SLC5A12: variants seen among roughly 807,000 people sequenced by gnomAD.
The protein encoded by SLC5A12 is solute carrier family 5 member 12.
A neutral mutation model predicts 72.7 loss-of-function variants in SLC5A12; 46 were observed. The observed-to-expected ratio is 0.63, with a 90% CI of 0.50 to 0.81. SLC5A12 has a LOEUF of 0.81. SLC5A12 is among the 30% of genes least tolerant of loss of function. SLC5A12 has a pLI of 0.00. For missense variants in SLC5A12, 683 were observed against 740.7 expected, an observed-to-expected ratio of 0.92 and a Z score of 0.90; for synonymous variants, 275 against 264.4, an observed-to-expected ratio of 1.04 and a Z score of -0.39.
rs1854056870 is a variant in SLC5A12, at chr11:26,668,720, CTACAT to C, written c.*2377_*2381del. 1 of 151,966 alleles carries C rather than the reference CTACAT, an allele frequency of 6.6e-6. No individual in the cohort carries two copies. The highest frequency in any genetic ancestry group is 2.4e-5 in the African/African-American group (1 of 41,392). 9.4% of individuals were successfully genotyped at this position (151,966 alleles called of 1,614,324 possible). ...CAATTAAGAAGAATGGGGGGAGTCT[CTACAT>C]TGACCTCTAAAATCTCTTGAAATGT... On this transcript the variant is annotated 3_prime_UTR_variant, in exon 15 of 15. Transcript: ENST00000396005.
chr11:26,688,130 C>T (rs1854581800), intron 9 of SLC5A12, among the ~76,000 whole-genome samples: 1 of 152,140 alleles, frequency 6.6e-6, no homozygotes, highest in Non-Finnish European at 1.5e-5. Context: ...TTTATCCTTC[C>T]ACCAGATTGC....
chr11:26,693,992 A>G (rs1344468465), intron 8 of SLC5A12, among the ~76,000 whole-genome samples: 2 of 152,154 alleles, frequency 1.3e-5, no homozygotes, highest in African/African-American at 4.8e-5. Context: ...CTTTGTCTCA[A>G]TATACTTCTT....
chr11:26,721,983 C>A lies in SLC5A12; in HGVS notation c.-269G>T. 1 of 460,022 alleles carries A rather than the reference C, an allele frequency of 2.2e-6. No individual in the cohort carries two copies. The highest frequency in any genetic ancestry group is 3.9e-6 in the Non-Finnish European group (1 of 257,282). The allele number at this position is 460,022 out of a possible 1,614,324, so 28.5% of individuals were successfully genotyped here. On this transcript the variant is annotated 5_prime_UTR_variant, in exon 1 of 15. Coordinates refer to ENST00000396005, the MANE Select transcript of SLC5A12 (RefSeq NM_178498.4). ...AAATCTGACCCTAGCTAAGAGCTGT[C>A]TGCTCCTCTCCTAAAGCATATGCCA...
intron 13 of SLC5A12, among the ~76,000 whole-genome samples, chr11:26,677,463 C>G (rs778727469): frequency 8.5e-5 from 13 of 152,118 alleles, no homozygotes; most frequent in Non-Finnish European, 1.8e-4. Flanking sequence ...CAGCTGAAAT[C>G]TTGGTTGTCT....
intron 9 of SLC5A12, among the ~76,000 whole-genome samples, chr11:26,690,646 T>TAAAAA (rs747754564): frequency 0.18 from 16,927 of 91,938 alleles, 1,427 homozygotes; most frequent in African/African-American, 0.25. Context: ...CCACCTCTAC[T>TAAAAA]AAAAAAAAAA....
intron 1 of SLC5A12, among the ~76,000 whole-genome samples, chr11:26,715,532 T>A (rs1855331327): frequency 6.6e-6 from 1 of 152,202 alleles, no homozygotes; most frequent in Non-Finnish European, 1.5e-5. Flanking sequence ...TTAATTGGCA[T>A]CTTTTTCTTC....
At chr11:26,715,634 T>C (rs1314001682) in intron 1 of SLC5A12, among the ~76,000 whole-genome samples, 1 of 152,226 alleles carries the variant, frequency 6.6e-6, no homozygotes, top group East Asian at 1.9e-4. Flanking sequence ...GATCTGCTTC[T>C]AGTAGAATGC....
chr11:26,684,839 G>A (rs533519036), intron 10 of SLC5A12, among the ~76,000 whole-genome samples: 1 of 152,276 alleles, frequency 6.6e-6, no homozygotes, highest in African/African-American at 2.4e-5. Context: ...TTTCTTAAGA[G>A]TAAATATTAT....
chr11:26,709,329 T>C lies in SLC5A12; in HGVS notation c.508A>G (p.Thr170Ala). The C allele has an allele frequency of 6.2e-7, 1 of 1,611,642 alleles. No homozygotes were observed. The highest frequency in any genetic ancestry group is 8.5e-7 in the Non-Finnish European group (1 of 1,178,626). The change falls in exon 4 of 15, where the codon ACA (threonine) becomes GCA (alanine). Residue 170 changes from threonine (T) to alanine (A), a missense_variant. By Grantham distance (58) the Thr-to-Ala change is moderately conservative. Transcript: ENST00000396005. ...ATACATACCAGGGTACAGTAGAATG[T>C]GCAAACAATTCCTGTTGCAAACACA... is the stretch of plus-strand genomic sequence containing the variant. ...GSVFATGIVC[T>A]FYCTLGGLKA...
chr11:26,684,618 G>T (rs1268354823), intron 10 of SLC5A12, among the ~76,000 whole-genome samples: 1 of 151,844 alleles, frequency 6.6e-6, no homozygotes, highest in East Asian at 1.9e-4. Context: ...CAAGAAGGTG[G>T]GCCCAGGATA....
At chr11:26,709,125 G>T in intron 4 of SLC5A12, 187 bp downstream of exon 4, 1 of 447,446 alleles carries the variant, frequency 2.2e-6, no homozygotes, top group Non-Finnish European at 4.0e-6. Context: ...TTCTCCTAAA[G>T]GTTGGTAATG....
chr11:26,695,366 G>A (rs908221975), intron 8 of SLC5A12, among the ~76,000 whole-genome samples: 18 of 152,036 alleles, frequency 1.2e-4, no homozygotes, highest in African/African-American at 4.3e-4. Context: ...TTGGTTACTA[G>A]TTTACAAAGA....
At chr11:26,680,970 T>TC (rs1854398082) in intron 12 of SLC5A12, 85 bp downstream of exon 12, 2 of 1,258,478 alleles carry the variant, frequency 1.6e-6, no homozygotes. Flanking sequence ...ATATGTCTCA[T>TC]CACACTTATC....
At chr11:26,683,717 T>G (rs1590713203) in intron 11 of SLC5A12, 40 bp downstream of exon 11, 1 of 1,529,238 alleles carries the variant, frequency 6.5e-7, no homozygotes, top group Non-Finnish European at 8.9e-7. Context: ...CTGGGCCCAG[T>G]TTTGACTGGG....
At chr11:26,706,028 A>G (rs1855081893) in intron 4 of SLC5A12, among the ~76,000 whole-genome samples, 1 of 151,528 alleles carries the variant, frequency 6.6e-6, no homozygotes, top group African/African-American at 2.4e-5. Context: ...CACATATTTA[A>G]TCAAACTGCC....
intron 6 of SLC5A12, among the ~76,000 whole-genome samples, chr11:26,700,403 G>A (rs1158848277): frequency 1.3e-5 from 2 of 152,076 alleles, no homozygotes; most frequent in African/African-American, 4.8e-5. Context: ...GCAACTCTCT[G>A]TACCAGGCCC....
chr11:26,692,329 T>A (rs187395291), intron 9 of SLC5A12, 160 bp downstream of exon 9: 879 of 607,530 alleles, frequency 1.4e-3, no homozygotes, highest in Non-Finnish European at 2.1e-3. Flanking sequence ...GATACCCTGC[T>A]GGATCTTTGG....
chr11:26,711,099 T>C (rs541637167), intron 3 of SLC5A12, among the ~76,000 whole-genome samples: 2 of 152,266 alleles, frequency 1.3e-5, no homozygotes, highest in African/African-American at 2.4e-5. Context: ...TCTAGAAGTA[T>C]ATGAGTCAAA....
chr11:26,690,860 A>G (rs1854654188), intron 9 of SLC5A12, among the ~76,000 whole-genome samples: 1 of 151,616 alleles, frequency 6.6e-6, no homozygotes, highest in South Asian at 2.1e-4. Flanking sequence ...GATATACTGA[A>G]TATAAAATAT....
Sources: gnomAD v4.1 joint callset for allele counts (sites outside exome capture counted in the v4.1 genomes callset) on GRCh38, gnomAD v4.1.1 for gene constraint, MANE v1.5 for transcripts, NCBI Gene and HGNC (gene_info 2026-07-23, HGNC 2026-07-21) for gene names.